The following ABCA13 variants were observed in gnomAD, a reference collection of about 807,000 sequenced individuals.
ABCA13 encodes the protein ATP-binding cassette sub-family A member 13.
A neutral mutation model predicts 478.7 loss-of-function variants in ABCA13; 476 were observed. That is an observed-to-expected ratio of 0.99 (90% CI 0.92 to 1.07). The LOEUF (loss-of-function observed/expected upper bound fraction) is 1.07. ABCA13 is among the 50% of genes least tolerant of loss of function. The pLI is 0.00. For synonymous variants in ABCA13, 2,252 were observed against 2,158.9 expected (o/e 1.04, Z -1.20); for missense variants, 6,060 against 5,910.6 (o/e 1.03, Z -0.83).
chr7:48,454,536 G>T (rs893802938), intron 42 of ABCA13, among the ~76,000 whole-genome samples: 1 of 152,214 alleles, frequency 6.6e-6, no homozygotes, highest in African/African-American at 2.4e-5. Flanking sequence ...CAGTGGGCAG[G>T]CGCCGGGCTC....
In ABCA13 at chr7:48,171,560, C is replaced by T. The variant is rs1253228689; in HGVS notation, c.69+8C>T. On this transcript the variant is annotated splice_region_variant and intron_variant, in intron 1 of 61. Coordinates refer to ENST00000435803, the MANE Select transcript of ABCA13 (RefSeq NM_152701.5). ...TGCAGACTCAGGAACCCGGTGAGTG[C>T]TTGCCTTGGTTTTCCATAGGGTTCC... The T allele has an allele frequency of 1.3e-6, 2 of 1,536,198 alleles. No homozygotes were observed. The highest frequency in any genetic ancestry group is 1.2e-5 in the South Asian group (1 of 84,012).
At chr7:48,210,148 G>T (rs2128940339) in intron 3 of ABCA13, among the ~76,000 whole-genome samples, 1 of 152,262 alleles carries the variant, frequency 6.6e-6, no homozygotes, top group African/African-American at 2.4e-5. Flanking sequence ...CGTTGGGGAG[G>T]CCTCAGGAAA....
rs753656858 is a variant in ABCA13, at chr7:48,387,909, A to T, written c.11423A>T (p.Tyr3808Phe). ...SVGFLVEKRQ[Y>F]FLSSSLFFFN... Reference sequence around the variant, plus strand: ...GGTTTCTTGGTGGAGAAAAGGCAATACTTTCTAAGTTCTAGTCTGTTCTTC... The same window carrying T: ...GGTTTCTTGGTGGAGAAAAGGCAATTCTTTCTAAGTTCTAGTCTGTTCTTC... Residue 3808 changes from tyrosine (Y) to phenylalanine (F), a missense_variant, in exon 36 of 62, where the codon TAC becomes TTC. Coordinates refer to ENST00000435803, the MANE Select transcript of ABCA13 (RefSeq NM_152701.5). 6.2e-7 allele frequency: 1 copy of T among 1,613,278 alleles called. No individual in the cohort carries two copies. The highest frequency in any genetic ancestry group is 8.5e-7 in the Non-Finnish European group (1 of 1,179,592).
At chr7:48,587,889 A>G (rs1223903553) in intron 57 of ABCA13, among the ~76,000 whole-genome samples, 1 of 152,226 alleles carries the variant, frequency 6.6e-6, no homozygotes, top group African/African-American at 2.4e-5. Flanking sequence ...GCATTTCATA[A>G]AACAGCTATA....
chr7:48,461,392 C>A (rs952900994), intron 43 of ABCA13, among the ~76,000 whole-genome samples: 2 of 152,200 alleles, frequency 1.3e-5, no homozygotes, highest in African/African-American at 4.8e-5. Flanking sequence ...CAAGAGCATT[C>A]TTCCTCTCAG....
chr7:48,188,283 C>A (rs930884303), intron 1 of ABCA13, among the ~76,000 whole-genome samples: 1 of 152,222 alleles, frequency 6.6e-6, no homozygotes. Context: ...GCTTTGGATT[C>A]TTCTCACATT....
intron 23 of ABCA13, among the ~76,000 whole-genome samples, chr7:48,307,779 C>T (rs1801133251): frequency 6.6e-6 from 1 of 152,082 alleles, no homozygotes; most frequent in African/African-American, 2.4e-5. Flanking sequence ...CTCCTTGGTT[C>T]AAGCAATTCC....
chr7:48,535,700 G>A (rs1833522781), intron 55 of ABCA13, among the ~76,000 whole-genome samples: 1 of 152,120 alleles, frequency 6.6e-6, no homozygotes, highest in Non-Finnish European at 1.5e-5. Flanking sequence ...CAGTGGGGGT[G>A]GGTGTGTGGT....
At chr7:48,576,324 G>C (rs1788180481) in intron 55 of ABCA13, among the ~76,000 whole-genome samples, 1 of 152,166 alleles carries the variant, frequency 6.6e-6, no homozygotes, top group Non-Finnish European at 1.5e-5. Flanking sequence ...ATCAAAAAGT[G>C]ATGTAGGCTC....
At chr7:48,514,969 T>C (rs1394002796) in intron 51 of ABCA13, among the ~76,000 whole-genome samples, 1 of 152,168 alleles carries the variant, frequency 6.6e-6, no homozygotes, top group African/African-American at 2.4e-5. Flanking sequence ...TATATCATAT[T>C]ATATATATCT....
chr7:48,208,572 TA>T (rs1451961557), intron 3 of ABCA13, among the ~76,000 whole-genome samples: 4 of 152,144 alleles, frequency 2.6e-5, no homozygotes, highest in Non-Finnish European at 5.9e-5. Flanking sequence ...GTAGCTATTA[TA>T]AATGGTATTG....
Position 48,230,592 on chromosome 7 carries a change from T to A in ABCA13, c.763+637T>A, listed in dbSNP as rs377314989. The stretch of plus-strand genomic sequence containing the variant: ...TCATCCACCCATTTATCTGTTCATC[T>A]GTCCATCCATCCACCCACACATCCA... On this transcript the variant is annotated intron_variant, in intron 7 of 61. Coordinates refer to ENST00000435803, the MANE Select transcript of ABCA13 (RefSeq NM_152701.5). Among the ~76,000 whole-genome samples, 9 of 152,326 alleles carry A rather than the reference T, an allele frequency of 5.9e-5. No homozygotes were observed. In the East Asian group the frequency reaches 1.2e-3, roughly 20 times the overall value.
intron 4 of ABCA13, 103 bp from the exon 5 acceptor site, chr7:48,221,178 G>A: frequency 1.7e-6 from 1 of 582,712 alleles, no homozygotes; most frequent in South Asian, 1.9e-5. Context: ...TTGGGCCAGG[G>A]CTCTTGGATA....
In ABCA13 at chr7:48,273,284, T is replaced by C; in HGVS notation, c.3618T>C (p.Ala1206=). Residue 1206 remains alanine (A), a synonymous_variant, in exon 17 of 62, where the codon GCT becomes GCC. Coordinates refer to ENST00000435803, the MANE Select transcript of ABCA13 (RefSeq NM_152701.5). ...GTATACTTCCCACCCATAATGTTGC[T>C]AGACTCATATTAAATTTGTTTAAAA... The part of the protein sequence containing the change: ...CQGILPTHNV[A]RLILNLFKNV... The C allele has an allele frequency of 6.2e-7, 1 of 1,613,712 alleles. No homozygotes were observed. Among genetic ancestry groups the C allele is most frequent in the East Asian group, 2.2e-5 (1 of 44,862 alleles).
Position 48,234,057 on chromosome 7 carries a change from ATC to A in ABCA13, c.804_805del (p.Pro269ThrfsTer6), listed in dbSNP as rs1562839719. The A allele has an allele frequency of 8.1e-6, 13 of 1,613,950 alleles. No homozygotes were observed. Among genetic ancestry groups the A allele is most frequent in the Non-Finnish European group, 8.5e-6 (10 of 1,179,902 alleles). ...CTGTCCATGCAGAATATAGTGTGGG[ATC>A]CACAGAAAGTCCAGTATGATCTCAA... On this transcript the variant is annotated frameshift_variant, in exon 8 of 62. Transcript: ENST00000435803. LOFTEE classifies it high-confidence loss of function.
chr7:48,479,152 G>A (rs867583784), intron 45 of ABCA13, among the ~76,000 whole-genome samples: 12 of 151,438 alleles, frequency 7.9e-5, no homozygotes, highest in South Asian at 2.1e-4. Context: ...GGGTTTCACC[G>A]TGTTAGCCAG....
chr7:48,638,725 G>A (rs565362718), intron 59 of ABCA13, among the ~76,000 whole-genome samples: 1 of 152,154 alleles, frequency 6.6e-6, no homozygotes, highest in African/African-American at 2.4e-5. Context: ...TTAATAAGCT[G>A]AGTGACAAAG....
Position 48,310,117 on chromosome 7 carries a change from G to A in ABCA13, c.9492G>A (p.Leu3164=). The change falls in exon 24 of 62, where the codon TTG becomes TTA. Residue 3164 remains leucine, a synonymous_variant. Coordinates refer to ENST00000435803, the MANE Select transcript of ABCA13 (RefSeq NM_152701.5). ...YSLIVLLSRN[L]DVRAFIYKTL... ...TGATTGTGTTGCTGAGTCGAAACTTGGATGTGCGAGCTTTCATTTACAAGG... is the reference window on the plus strand; with the variant it reads ...TGATTGTGTTGCTGAGTCGAAACTTAGATGTGCGAGCTTTCATTTACAAGG... 4.3e-6 allele frequency: 7 copies of A among 1,611,818 alleles called. No individual in the cohort carries two copies. Among genetic ancestry groups the A allele is most frequent in the Non-Finnish European group, 5.9e-6 (7 of 1,178,466 alleles).
chr7:48,642,566 A>T (rs1414070361), intron 59 of ABCA13, among the ~76,000 whole-genome samples: 5 of 152,020 alleles, frequency 3.3e-5, no homozygotes, highest in African/African-American at 1.2e-4. Context: ...TTTTTTTGGG[A>T]TGCTATGATG....
Sources: allele counts gnomAD v4.1 joint callset (sites outside exome capture counted in the v4.1 genomes callset), GRCh38; gene constraint gnomAD v4.1.1; transcripts MANE v1.5; gene names NCBI Gene and HGNC (gene_info 2026-07-23, HGNC 2026-07-21).